The following PIWIL1 variants were observed in gnomAD, a reference collection of about 807,000 sequenced individuals.
PIWIL1 encodes the protein piwi-like protein 1.
Under a neutral mutation model 114.4 loss-of-function variants are expected in PIWIL1, and 73 were observed. The observed-to-expected ratio is 0.64, with a 90% CI of 0.53 to 0.78. PIWIL1 has a LOEUF of 0.78. Among genes scored for constraint, PIWIL1 ranks in the 30% least tolerant of loss-of-function variants. The pLI, the probability that PIWIL1 is intolerant of heterozygous loss-of-function variation, is 0.00. For missense variants in PIWIL1, 723 were observed against 1,063.1 expected (o/e 0.68, Z 4.45); for synonymous variants, 375 against 369.0 (o/e 1.02, Z -0.19).
chr12:130,389,182 A>T, the PIWIL1 span, among the ~76,000 whole-genome samples: 1 of 152,110 alleles, frequency 6.6e-6, no homozygotes, highest in Admixed American at 6.5e-5. Flanking sequence ...TTTTAAATAT[A>T]CCATTGGCTT....
chr12:130,414,481 A>G, the PIWIL1 span: 186 of 586,682 alleles, frequency 3.2e-4, 5 homozygotes, highest in South Asian at 4.0e-3. Flanking sequence ...GATGAATTGG[A>G]GAAGCACATA....
At chr12:130,424,049 A>T in the PIWIL1 span, 2 of 645,708 alleles carry the variant, frequency 3.1e-6, no homozygotes, top group Non-Finnish European at 4.4e-6. This position sits in a 1 kb window ranked among gnomAD's most constrained non-coding sequence, Gnocchi z 9.8. Flanking sequence ...GAGAGTCCCC[A>T]GGGATGGACA....
At chr12:130,379,183 G>A in the PIWIL1 span, among the ~76,000 whole-genome samples, 64 of 152,320 alleles carry the variant, frequency 4.2e-4, no homozygotes, top group African/African-American at 1.5e-3. Context: ...TTACTTTAAT[G>A]TAAGTTTGGC....
At position 130,342,657 on chromosome 12, in the gene PIWIL1, G is replaced by T. The variant is rs1282326192; in HGVS notation, c.66G>T (p.Val22=). 1 of 1,612,422 alleles carries T rather than the reference G, an allele frequency of 6.2e-7. No individual in the cohort carries two copies. The highest frequency in any genetic ancestry group is 8.5e-7 in the Non-Finnish European group (1 of 1,178,612). ...GCGGTCAGGAGACAGCGCAGCTGGT[G>T]GGCTCCACTGCCGTGAGTGCTTCAC... ...RARGQETAQL[V]GSTASQQPGY... is the part of the protein sequence containing the mutation. Residue 22 remains valine (V), a synonymous_variant, in exon 2 of 21, where the codon GTG becomes GTT. Transcript: ENST00000245255.
chr12:130,340,660 T>G (rs888151631), intron 1 of PIWIL1, among the ~76,000 whole-genome samples: 2,130 of 93,744 alleles, frequency 0.023, 47 homozygotes, highest in Non-Finnish European at 0.036. Context: ...GGGAGGGGGG[T>G]TGGTGGTGGT....
At chr12:130,363,196 A>G (rs762601179) in intron 18 of PIWIL1, 52 bp downstream of exon 18, 4 of 1,536,380 alleles carry the variant, frequency 2.6e-6, no homozygotes, top group Non-Finnish European at 3.6e-6. Context: ...GCACCTTTGT[A>G]TCTTTGAAAT....
intron 3 of PIWIL1, 34 bp downstream of exon 3, chr12:130,343,135 C>A: frequency 6.8e-7 from 1 of 1,461,974 alleles, no homozygotes; most frequent in South Asian, 1.2e-5. Context: ...CTTAACAACT[C>A]TGTTCAACAT....
chr12:130,340,739 A>G lies in PIWIL1; in HGVS notation c.-12-1841A>G, dbSNP rs189132385. ...TATCAGTAAGAGACTTTCATGCGCCAGTATGCCCCGTGTGTAAGCCGAGCA... is the reference window on the plus strand; with the variant it reads ...TATCAGTAAGAGACTTTCATGCGCCGGTATGCCCCGTGTGTAAGCCGAGCA... On this transcript the variant is annotated intron_variant, in intron 1 of 20. Transcript: ENST00000245255. 3.0e-4 allele frequency among the ~76,000 whole-genome samples: 45 copies of G among 152,098 alleles called. No individual in the cohort carries two copies. The East Asian group carries it at 3.9e-3, about 13-fold the overall frequency.
chr12:130,355,726 C>G lies in PIWIL1; in HGVS notation c.1404+59C>G, dbSNP rs1424715185. ...TTTGAGACGGAGTCTCGCTCTGTCC[C>G]CCAGGCAGGAGTACAGTGGTGCAAT... On this transcript the variant is annotated intron_variant, in intron 12 of 20. Coordinates refer to ENST00000245255, the MANE Select transcript of PIWIL1 (RefSeq NM_004764.5). 7 of 1,192,988 alleles carry G rather than the reference C, an allele frequency of 5.9e-6. No individual in the cohort carries two copies. In the Admixed American group the frequency reaches 8.4e-5, roughly 14 times the overall value. 73.9% of individuals were successfully genotyped at this position (1,192,988 alleles called of 1,614,324 possible). A position where few individuals can be genotyped will look rare whatever the true frequency, so the allele number is the denominator to read the frequency against.
chr12:130,398,447 A>C, the PIWIL1 span: 1 of 152,704 alleles, frequency 6.5e-6, no homozygotes, highest in African/African-American at 2.4e-5. Context: ...AGCATCCCAA[A>C]GTACACCTGA....
chr12:130,367,666 T>A (rs7310574), intron 19 of PIWIL1, among the ~76,000 whole-genome samples: 7,832 of 152,212 alleles, frequency 0.051, 331 homozygotes, highest in African/African-American at 0.12. Context: ...TGCTTATGAG[T>A]AAAGTGGCTT....
the PIWIL1 span, among the ~76,000 whole-genome samples, chr12:130,421,783 T>A: frequency 6.6e-6 from 1 of 152,124 alleles, no homozygotes; most frequent in East Asian, 1.9e-4. Context: ...TTGTGCATAA[T>A]ACTTTTTGGA....
At chr12:130,362,631 A>C (rs1217585007) in intron 16 of PIWIL1, 135 bp from the exon 17 acceptor site, 1 of 688,798 alleles carries the variant, frequency 1.5e-6, no homozygotes, top group Non-Finnish European at 2.5e-6. Context: ...AAGTATTTGG[A>C]GATGTTAACA....
chr12:130,405,474 G>A, the PIWIL1 span, among the ~76,000 whole-genome samples: 3 of 152,184 alleles, frequency 2.0e-5, no homozygotes, highest in Admixed American at 2.0e-4. Context: ...TGGGCTCTGC[G>A]CAGGGTCCTA....
rs1466420385 is a variant in PIWIL1, at chr12:130,371,947, G to A, written c.*349G>A. The A allele has an allele frequency of 6.2e-6, 1 of 160,086 alleles. No individual in the cohort carries two copies. Among genetic ancestry groups the A allele is most frequent in the Non-Finnish European group, 1.4e-5 (1 of 73,624 alleles). 9.9% of individuals were successfully genotyped at this position (160,086 alleles called of 1,614,324 possible). The stretch of plus-strand genomic sequence containing the variant: ...TAAACGTACTTTCAGGAGTGAGCAA[G>A]TCCTACTTATAAACCTATATTAACT... On this transcript the variant is annotated 3_prime_UTR_variant, in exon 21 of 21. Transcript: ENST00000245255.
chr12:130,344,266 C>T (rs753666971), intron 3 of PIWIL1, among the ~76,000 whole-genome samples: 3 of 152,096 alleles, frequency 2.0e-5, no homozygotes, highest in Non-Finnish European at 4.4e-5. Context: ...ATTCAGTATG[C>T]GTGATTTAGT....
the PIWIL1 span, among the ~76,000 whole-genome samples, chr12:130,405,847 C>T: frequency 2.0e-5 from 3 of 152,074 alleles, no homozygotes; most frequent in African/African-American, 7.2e-5. Context: ...GTTAAGTAAT[C>T]TAGAAACTTA....
chr12:130,404,631 G>A, the PIWIL1 span, among the ~76,000 whole-genome samples: 25 of 152,182 alleles, frequency 1.6e-4, no homozygotes, highest in African/African-American at 5.3e-4. Flanking sequence ...TAAAGGATGC[G>A]TAAGAATAAA....
chr12:130,380,335 C>G, the PIWIL1 span, among the ~76,000 whole-genome samples: 4 of 152,324 alleles, frequency 2.6e-5, no homozygotes, highest in East Asian at 1.9e-4. Flanking sequence ...CCTCTCCCCC[C>G]ACCCCCCAAC....
Sources: gnomAD v4.1 joint callset for allele counts (sites outside exome capture counted in the v4.1 genomes callset) on GRCh38, gnomAD v4.1.1 for gene constraint, Gnocchi (gnomAD v3.1) non-coding constraint, MANE v1.5 for transcripts, NCBI Gene and HGNC (gene_info 2026-07-23, HGNC 2026-07-21) for gene names.